Variants in FOXM1 observed in about 807,000 individuals in gnomAD.
FOXM1 encodes the protein forkhead box protein M1.
FOXM1 carries 25 observed loss-of-function variants against 63.6 expected under a neutral mutation model. That is an observed-to-expected ratio of 0.39 (90% CI 0.29 to 0.55). The LOEUF is 0.55. Ranked by LOEUF, FOXM1 falls within the 20% of genes least tolerant of loss-of-function variation. FOXM1 has a pLI of 0.60. For synonymous variants in FOXM1, 387 were observed against 376.9 expected (o/e 1.03, Z -0.31); for missense variants, 879 against 958.7 (o/e 0.92, Z 1.10).
rs574429608 is a variant in FOXM1 at position 2,861,442 on chromosome 12, AAAT to A, written c.1267-1782_1267-1780del. The A allele has an allele frequency of 7.8e-4, 449 of 575,960 alleles. 2 individuals are homozygous for A. The highest frequency in any genetic ancestry group is 1.5e-3 in the Admixed American group (43 of 28,040). 35.7% of individuals were successfully genotyped at this position (575,960 alleles called of 1,614,324 possible). On this transcript the variant is annotated intron_variant, in intron 8 of 8. Transcript: ENST00000359843. ...GGAAATAAAAAATTTAAAAATAAAT[AAAT>A]AAAACATTTTAAAAAATTAAGAAGA... is the stretch of plus-strand genomic sequence containing the variant.
At chr12:2,870,941 G>C (rs1230514705) in intron 3 of FOXM1, among the ~76,000 whole-genome samples, 1 of 108,784 alleles carries the variant, frequency 9.2e-6, no homozygotes, top group African/African-American at 3.7e-5. Flanking sequence ...CTAGGAGACA[G>C]AGAAAGACTA....
chr12:2,875,927 ATTTTTT>A (rs61158737), intron 1 of FOXM1, among the ~76,000 whole-genome samples: 1 of 141,520 alleles, frequency 7.1e-6, no homozygotes, highest in Admixed American at 7.0e-5. Flanking sequence ...TGCCCAGCTA[ATTTTTT>A]TTTTTTTTTT....
rs1442088755 is a variant in FOXM1, at chr12:2,872,957, TGTGGGA to T, written c.503-716_503-711del. Among the ~76,000 whole-genome samples, 1 of 151,954 alleles carries T rather than the reference TGTGGGA, an allele frequency of 6.6e-6. No individual in the cohort carries two copies. The highest frequency in any genetic ancestry group is 1.9e-4 in the East Asian group (1 of 5,164). On this transcript the variant is annotated intron_variant, in intron 2 of 8. Coordinates refer to ENST00000359843, the MANE Select transcript of FOXM1 (RefSeq NM_021953.4). The surrounding 1 kb of genome is among the most constrained non-coding windows in gnomAD (Gnocchi z 4.0). Reference sequence around the variant, plus strand: ...TAGTCCCAGCTACTTGGGAGGCTGATGTGGGAGAATGGCTTGAGTCCAGGCATTCGA... The same window carrying T: ...TAGTCCCAGCTACTTGGGAGGCTGATGAATGGCTTGAGTCCAGGCATTCGA...
In FOXM1 at chr12:2,874,627, C is replaced by G. The variant is rs928305723; in HGVS notation, c.-47-102G>C. On this transcript the variant is annotated intron_variant, in intron 1 of 8. Coordinates refer to ENST00000359843, the MANE Select transcript of FOXM1 (RefSeq NM_021953.4). The surrounding 1 kb of genome is among the most constrained non-coding windows in gnomAD (Gnocchi z 4.3). Reference sequence around the variant, plus strand: ...TCTTTATATGACCAGGAACATGAGCCTAAAGGCCCAGGTAAACATTCCATG... The same window carrying G: ...TCTTTATATGACCAGGAACATGAGCGTAAAGGCCCAGGTAAACATTCCATG... 1 of 771,934 alleles carries G rather than the reference C, an allele frequency of 1.3e-6. No homozygotes were observed. Among genetic ancestry groups the G allele is most frequent in the Non-Finnish European group, 2.1e-6 (1 of 476,270 alleles). 47.8% of individuals were successfully genotyped at this position (771,934 alleles called of 1,614,324 possible). A position where few individuals can be genotyped will look rare whatever the true frequency, so the allele number is the denominator to read the frequency against.
chr12:2,866,557 T>C, intron 4 of FOXM1, 36 bp from the exon 5 acceptor site: 1 of 1,484,052 alleles, frequency 6.7e-7, no homozygotes, highest in Non-Finnish European at 9.0e-7. Context: ...TATCAGCTAC[T>C]TTAGATTCAG....
Position 2,872,756 on chromosome 12 carries a change from A to G in FOXM1, c.503-509T>C, listed in dbSNP as rs2098135326. ...CAGGACAAATTTAGGAGCATAGTTC[A>G]AATTGCATTTCAAGCTGAGCCACAC... On this transcript the variant is annotated intron_variant, in intron 2 of 8. Coordinates refer to ENST00000359843, the MANE Select transcript of FOXM1 (RefSeq NM_021953.4). The surrounding 1 kb of genome is among the most constrained non-coding windows in gnomAD (Gnocchi z 4.0). 6.6e-6 allele frequency among the ~76,000 whole-genome samples: 1 copy of G among 152,232 alleles called. No homozygotes were observed.
chr12:2,861,207 A>T, intron 8 of FOXM1: 1 of 641,304 alleles, frequency 1.6e-6, no homozygotes, highest in Non-Finnish European at 2.7e-6. Context: ...TGATAACAAA[A>T]CCTATATAAA....
At position 2,872,216 on chromosome 12, in the gene FOXM1, G is replaced by A. The variant is rs1458669366; in HGVS notation, c.534C>T (p.Asn178=). Reference sequence around the variant, plus strand: ...GCCACTGGATGTTGGATAGGCTATTGTTGATAGTGCAGCCTGCTGCCTCAC... The same window carrying A: ...GCCACTGGATGTTGGATAGGCTATTATTGATAGTGCAGCCTGCTGCCTCAC... The part of the protein sequence containing the change: ...ADGEAAGCTI[N]NSLSNIQWLR... Residue 178 remains asparagine, a synonymous_variant, in exon 3 of 9, where the codon AAC becomes AAT. Coordinates refer to ENST00000359843, the MANE Select transcript of FOXM1 (RefSeq NM_021953.4). This position sits in a 1 kb window ranked among gnomAD's most constrained non-coding sequence, Gnocchi z 4.0. 13 of 1,614,094 alleles carry A rather than the reference G, an allele frequency of 8.1e-6. No homozygotes were observed. Among genetic ancestry groups the A allele is most frequent in the East Asian group, 2.2e-5 (1 of 44,896 alleles).
rs1159130429 is a variant in FOXM1, at chr12:2,858,679, C to T, written c.2251G>A (p.Asp751Asn). 1.2e-6 allele frequency: 2 copies of T among 1,614,054 alleles called. No homozygotes were observed. The highest frequency in any genetic ancestry group is 2.2e-5 in the East Asian group (1 of 44,896). Residue 751 changes from aspartate (D) to asparagine (N), a missense_variant, in exon 9 of 9, where the codon GAC (aspartate) becomes AAC (asparagine). Asp to Asn is a conservative substitution (Grantham distance 23, BLOSUM62 1). Around this residue, in one of 4 missense-constraint regions of FOXM1, gnomAD observed 486 missense variants for 453.5 expected, o/e 1.07. Transcript: ENST00000359843. ...PGLDEDPLGPDNINWSQFIPE... is the reference protein window; with the variant it reads ...PGLDEDPLGPNNINWSQFIPE... ...ATAAACTGGGACCAGTTGATGTTGT[C>T]AGGGCCCAGTGGGTCCTCGTCCAGG...
Position 2,866,523 on chromosome 12 carries a change from T to G in FOXM1, c.847-2A>C, listed in dbSNP as rs1165210355. The stretch of plus-strand genomic sequence containing the variant: ...GGAAAGGTTGTGGCGGATGGAGTTC[T>G]GGAAGAAGAGCAAGACAACTGGTTA... On this transcript the variant is annotated splice_acceptor_variant, in intron 4 of 8. Coordinates refer to ENST00000359843, the MANE Select transcript of FOXM1 (RefSeq NM_021953.4). LOFTEE classifies it high-confidence loss of function. The G allele has an allele frequency of 6.6e-7, 1 of 1,525,784 alleles. No homozygotes were observed. The highest frequency in any genetic ancestry group is 1.7e-4 in the Middle Eastern group (1 of 5,724). The allele number at this position is 1,525,784 out of a possible 1,614,324, so 94.5% of individuals were successfully genotyped here. A position where few individuals can be genotyped will look rare whatever the true frequency, so the allele number is the denominator to read the frequency against.
chr12:2,873,536 G>A (rs1399201909), intron 2 of FOXM1, among the ~76,000 whole-genome samples: 1 of 151,360 alleles, frequency 6.6e-6, no homozygotes, highest in African/African-American at 2.4e-5. Flanking sequence ...AACATAGTGA[G>A]ACCCCTTCTT....
chr12:2,870,957 C>CAAAAAAAAAAA (rs11310343), intron 3 of FOXM1, among the ~76,000 whole-genome samples: 2 of 39,112 alleles, frequency 5.1e-5, no homozygotes, highest in African/African-American at 8.9e-5. Flanking sequence ...GACTACGTCT[C>CAAAAAAAAAAA]AAAAAAAAAA....
Position 2,864,286 on chromosome 12 carries a change from A to G in FOXM1, c.1266+34T>C, listed in dbSNP as rs1343501191. On this transcript the variant is annotated intron_variant, in intron 8 of 8. Transcript: ENST00000359843. This position sits in a 1 kb window ranked among gnomAD's most constrained non-coding sequence, Gnocchi z 5.1. ...GAAGGTCCAACATTCTTAATTGGCC[A>G]GAATCTCTCTTCAGAGGAAAATAGG... The G allele has an allele frequency of 1.5e-5, 24 of 1,572,698 alleles. No individual in the cohort carries two copies. The highest frequency in any genetic ancestry group is 1.5e-5 in the Non-Finnish European group (17 of 1,152,716).
At position 2,858,556 on chromosome 12, in the gene FOXM1, C is replaced by T; in HGVS notation, c.*82G>A. ...AGCAGAACAGTCCCTGCCTGCTGTCCTCACTCAGAGGCTTGGGGTGCACTG... is the reference window on the plus strand; with the variant it reads ...AGCAGAACAGTCCCTGCCTGCTGTCTTCACTCAGAGGCTTGGGGTGCACTG... On this transcript the variant is annotated 3_prime_UTR_variant, in exon 9 of 9. Coordinates refer to ENST00000359843, the MANE Select transcript of FOXM1 (RefSeq NM_021953.4). 8.0e-7 allele frequency: 1 copy of T among 1,251,258 alleles called. No individual in the cohort carries two copies. The highest frequency in any genetic ancestry group is 1.4e-5 in the South Asian group (1 of 70,008). The allele number at this position is 1,251,258 out of a possible 1,614,324, so 77.5% of individuals were successfully genotyped here. A position where few individuals can be genotyped will look rare whatever the true frequency, so the allele number is the denominator to read the frequency against.
intron 1 of FOXM1, among the ~76,000 whole-genome samples, chr12:2,876,072 T>G (rs950958882): frequency 2.6e-5 from 4 of 152,160 alleles, no homozygotes; most frequent in Non-Finnish European, 5.9e-5. Context: ...TTTGTTGATT[T>G]TAATAGATAC....
rs2098095324 is a variant in FOXM1, at chr12:2,858,228, G to T, written c.*410C>A. Reference sequence around the variant, plus strand: ...AGGTCATCCTACCCACCTTCTGGCAGTCTCTGGATAATGATCTAAGGAAAT... The same window carrying T: ...AGGTCATCCTACCCACCTTCTGGCATTCTCTGGATAATGATCTAAGGAAAT... On this transcript the variant is annotated 3_prime_UTR_variant, in exon 9 of 9. Transcript: ENST00000359843. 6.2e-6 allele frequency: 1 copy of T among 161,708 alleles called. No individual in the cohort carries two copies. The highest frequency in any genetic ancestry group is 1.4e-5 in the Non-Finnish European group (1 of 73,908). The allele number at this position is 161,708 out of a possible 1,614,324, so 10.0% of individuals were successfully genotyped here. A position where few individuals can be genotyped will look rare whatever the true frequency, so the allele number is the denominator to read the frequency against.
chr12:2,857,990 T>A lies in FOXM1; in HGVS notation c.*648A>T, dbSNP rs1250731570. On this transcript the variant is annotated 3_prime_UTR_variant, in exon 9 of 9. Transcript: ENST00000359843. ...CCTGACCCAATACAAAAGACTTTTT[T>A]AACCAGGATTTCTTCTTGCAGGAAA... is the stretch of plus-strand genomic sequence containing the variant. The A allele has an allele frequency of 6.5e-6, 1 of 152,706 alleles. No homozygotes were observed. Among genetic ancestry groups the A allele is most frequent in the Non-Finnish European group, 1.5e-5 (1 of 68,150 alleles). The allele number at this position is 152,706 out of a possible 1,614,324, so 9.5% of individuals were successfully genotyped here. A position where few individuals can be genotyped will look rare whatever the true frequency, so the allele number is the denominator to read the frequency against.
chr12:2,873,548 ATTTAT>A (rs1214578181), intron 2 of FOXM1, among the ~76,000 whole-genome samples: 1 of 150,710 alleles, frequency 6.6e-6, no homozygotes, highest in Non-Finnish European at 1.5e-5. Context: ...CCCCTTCTTC[ATTTAT>A]TTATTTTTGA....
rs927798996 is a variant in FOXM1, at chr12:2,857,969, A to G, written c.*669T>C. 6.6e-6 allele frequency: 1 copy of G among 152,604 alleles called. No homozygotes were observed. Among genetic ancestry groups the G allele is most frequent in the African/African-American group, 2.4e-5 (1 of 41,426 alleles). 9.5% of individuals were successfully genotyped at this position (152,604 alleles called of 1,614,324 possible). A position where few individuals can be genotyped will look rare whatever the true frequency, so the allele number is the denominator to read the frequency against. On this transcript the variant is annotated 3_prime_UTR_variant, in exon 9 of 9. Coordinates refer to ENST00000359843, the MANE Select transcript of FOXM1 (RefSeq NM_021953.4). ...CCTCCCACCCCAAATTCAACTCCTG[A>G]CCCAATACAAAAGACTTTTTTAACC...
Sources: allele counts gnomAD v4.1 joint callset (sites outside exome capture counted in the v4.1 genomes callset), GRCh38; gene constraint gnomAD v4.1.1; regional missense constraint gnomAD v4.1.1; non-coding constraint Gnocchi (gnomAD v3.1); transcripts MANE v1.5; gene names NCBI Gene and HGNC (gene_info 2026-07-23, HGNC 2026-07-21).